LDB2: variants seen among roughly 807,000 people sequenced by gnomAD.
The protein encoded by LDB2 is LIM domain-binding protein 2.
A neutral mutation model predicts 44.3 loss-of-function variants in LDB2; 12 were observed. The ratio of observed to expected loss-of-function variants is 0.27; its 90% confidence interval spans 0.17 to 0.44. The LOEUF (loss-of-function observed/expected upper bound fraction) is 0.44, where lower values mean the gene tolerates loss of function less well. LDB2 is among the 20% of genes least tolerant of loss of function. The probability of loss-of-function intolerance (pLI) is 1.00; values close to 1 mark genes in which losing one functional copy is unlikely to be tolerated. For missense variants in LDB2, 344 were observed against 473.5 expected (o/e 0.73, Z 2.54); for synonymous variants, 164 against 174.8 (o/e 0.94, Z 0.49).
intron 5 of LDB2, among the ~76,000 whole-genome samples, chr4:16,530,809 G>T (rs1729885107): frequency 6.6e-6 from 1 of 152,102 alleles, no homozygotes; most frequent in African/African-American, 2.4e-5. Context: ...ATTTTAGGGG[G>T]CTGGCACACA....
chr4:16,892,970 T>C (rs926471182), intron 1 of LDB2: 26 of 315,030 alleles, frequency 8.3e-5, no homozygotes, highest in Non-Finnish European at 1.1e-4. Flanking sequence ...CTCCTATGAA[T>C]AGTTAGTTTG....
intron 2 of LDB2, among the ~76,000 whole-genome samples, chr4:16,660,055 T>A (rs1386260951): frequency 6.6e-6 from 1 of 152,152 alleles, no homozygotes; most frequent in African/African-American, 2.4e-5. Context: ...TTGGTTGTCA[T>A]GACTGAGGGA....
At chr4:16,787,211 A>G (rs956328162) in intron 1 of LDB2, among the ~76,000 whole-genome samples, 2 of 152,172 alleles carry the variant, frequency 1.3e-5, no homozygotes, top group Non-Finnish European at 2.9e-5. Context: ...TGCTGTGTCA[A>G]AGATTATGCT....
At chr4:16,657,213 C>A (rs574376758) in intron 2 of LDB2, among the ~76,000 whole-genome samples, 1 of 152,250 alleles carries the variant, frequency 6.6e-6, no homozygotes, top group East Asian at 1.9e-4. Context: ...AAATGTGGTT[C>A]CTAGAATGTG....
intron 1 of LDB2, among the ~76,000 whole-genome samples, chr4:16,874,015 T>TACTGA (rs1717603501): frequency 6.6e-6 from 1 of 152,220 alleles, no homozygotes; most frequent in African/African-American, 2.4e-5. Context: ...GTCCCTATTG[T>TACTGA]ACTGATATAT....
At chr4:16,652,199 G>T (rs1198276342) in intron 2 of LDB2, among the ~76,000 whole-genome samples, 1 of 152,030 alleles carries the variant, frequency 6.6e-6, no homozygotes, top group East Asian at 1.9e-4. Flanking sequence ...CTCCCACCTT[G>T]CCCTCCCAAA....
rs1266310152 is a variant in LDB2, at chr4:16,582,293, T to C, written c.615+3629A>G. Among the ~76,000 whole-genome samples, 2 of 152,202 alleles carry C rather than the reference T, an allele frequency of 1.3e-5. No homozygotes were observed. Among genetic ancestry groups the C allele is most frequent in the African/African-American group, 4.8e-5 (2 of 41,450 alleles). On this transcript the variant is annotated intron_variant, in intron 5 of 7. Coordinates refer to ENST00000304523, the MANE Select transcript of LDB2 (RefSeq NM_001290.5). The surrounding 1 kb of genome is among the most constrained non-coding windows in gnomAD (Gnocchi z 4.8). ...AATGAATAAATGGGCAAACAGGATC[T>C]GGTGGGAACTGACAAGGCTCCACAG... is the stretch of plus-strand genomic sequence containing the variant.
chr4:16,821,313 T>C (rs905986042), intron 1 of LDB2, among the ~76,000 whole-genome samples: 1 of 152,108 alleles, frequency 6.6e-6, no homozygotes, highest in Non-Finnish European at 1.5e-5. Flanking sequence ...ATTTTGTTTT[T>C]CAAAAAGGTA....
At chr4:16,565,439 T>A (rs1744148729) in intron 5 of LDB2, among the ~76,000 whole-genome samples, 1 of 137,048 alleles carries the variant, frequency 7.3e-6, no homozygotes, top group African/African-American at 3.1e-5. Context: ...TCGACATCCA[T>A]TTTTTTTTTA....
intron 2 of LDB2, among the ~76,000 whole-genome samples, chr4:16,717,298 G>A (rs190195079): frequency 7.2e-5 from 11 of 152,122 alleles, no homozygotes; most frequent in Non-Finnish European, 1.3e-4. Flanking sequence ...AATAACTCTC[G>A]TTATTCTGCA....
intron 5 of LDB2, among the ~76,000 whole-genome samples, chr4:16,578,810 CAAAT>C (rs1217955247): frequency 3.9e-5 from 6 of 151,994 alleles, no homozygotes; most frequent in African/African-American, 1.2e-4. Context: ...TGTCAACAGA[CAAAT>C]GAATAAAGAA....
chr4:16,628,154 G>T (rs1390135739), intron 2 of LDB2, among the ~76,000 whole-genome samples: 1 of 152,188 alleles, frequency 6.6e-6, no homozygotes, highest in East Asian at 1.9e-4. Context: ...ATCATGCCTA[G>T]TACCTCTTCT....
chr4:16,859,505 A>T (rs753131795), intron 1 of LDB2, among the ~76,000 whole-genome samples: 1 of 152,202 alleles, frequency 6.6e-6, no homozygotes, highest in Non-Finnish European at 1.5e-5. Flanking sequence ...GGATTATAGG[A>T]GCAAACCTTC....
intron 2 of LDB2, among the ~76,000 whole-genome samples, chr4:16,743,890 A>T (rs1763842473): frequency 1.3e-5 from 2 of 152,152 alleles, no homozygotes; most frequent in African/African-American, 2.4e-5. Context: ...CGATTCACTA[A>T]GTTTTTGGTA....
intron 2 of LDB2, among the ~76,000 whole-genome samples, chr4:16,705,602 A>G (rs1214939939): frequency 1.3e-5 from 2 of 152,192 alleles, no homozygotes; most frequent in African/African-American, 2.4e-5. Flanking sequence ...CCACAGTCCC[A>G]TGAAGAAAAA....
In LDB2 at chr4:16,704,458, T is replaced by G. The variant is rs140597151; in HGVS notation, c.235+54700A>C. On this transcript the variant is annotated intron_variant, in intron 2 of 7. Coordinates refer to ENST00000304523, the MANE Select transcript of LDB2 (RefSeq NM_001290.5). ...GGGAGTATAAACTGCCCACAAATTT[T>G]CTGCCTTAATTGGGAGTAGATAATA... 1.8e-3 allele frequency among the ~76,000 whole-genome samples: 271 copies of G among 152,354 alleles called. 1 individual carries two copies. The highest frequency in any genetic ancestry group is 6.2e-3 in the African/African-American group (259 of 41,584).
intron 7 of LDB2, chr4:16,503,100 C>T: frequency 1.3e-6 from 2 of 1,536,752 alleles, no homozygotes; most frequent in Non-Finnish European, 1.7e-6. Flanking sequence ...TAGTGCGCAG[C>T]CTGACACTGG....
At chr4:16,605,240 G>A (rs2152456141) in intron 2 of LDB2, among the ~76,000 whole-genome samples, 1 of 152,206 alleles carries the variant, frequency 6.6e-6, no homozygotes, top group South Asian at 2.1e-4. Context: ...ATAAAATGCT[G>A]ACAGTTATTT....
chr4:16,854,933 C>T (rs566597444), intron 1 of LDB2, among the ~76,000 whole-genome samples: 1 of 151,798 alleles, frequency 6.6e-6, no homozygotes, highest in South Asian at 2.1e-4. Context: ...GGGTAGGAAG[C>T]AAGATTTATC....
Sources: gnomAD v4.1 joint callset for allele counts (sites outside exome capture counted in the v4.1 genomes callset) on GRCh38, gnomAD v4.1.1 for gene constraint, Gnocchi (gnomAD v3.1) non-coding constraint, MANE v1.5 for transcripts, NCBI Gene and HGNC (gene_info 2026-07-23, HGNC 2026-07-21) for gene names.